The following TMBIM1 variants were observed in gnomAD, a reference collection of about 807,000 sequenced individuals.
The protein encoded by TMBIM1 is protein lifeguard 3.
Under a neutral mutation model 45.1 loss-of-function variants are expected in TMBIM1, and 34 were observed. The ratio of observed to expected loss-of-function variants is 0.75; its 90% CI spans 0.57 to 1.00. The LOEUF (loss-of-function observed/expected upper bound fraction) is 1.00, where lower values mean the gene tolerates loss of function less well. Among genes scored for constraint, TMBIM1 ranks in the 50% least tolerant of loss-of-function variants. The probability of loss-of-function intolerance (pLI) is 0.00; values close to 1 mark genes in which losing one functional copy is unlikely to be tolerated. For missense variants in TMBIM1, 374 were observed against 402.4 expected (o/e 0.93, Z 0.60); for synonymous variants, 157 against 153.5 (o/e 1.02, Z -0.17).
intron 1 of TMBIM1, among the ~76,000 whole-genome samples, chr2:218,292,014 G>A (rs1021639859): frequency 6.6e-6 from 1 of 151,628 alleles, no homozygotes; most frequent in Non-Finnish European, 1.5e-5. Flanking sequence ...GGGCAACCTG[G>A]GGTCCGTGCC....
chr2:218,290,932 G>C (rs888942230), intron 1 of TMBIM1, among the ~76,000 whole-genome samples: 1 of 152,190 alleles, frequency 6.6e-6, no homozygotes, highest in Non-Finnish European at 1.5e-5. Flanking sequence ...AATTGTATGA[G>C]CTTCCACTCT....
At chr2:218,277,518 C>G in intron 8 of TMBIM1, 65 bp from the exon 9 acceptor site, 1 of 1,608,060 alleles carries the variant, frequency 6.2e-7, no homozygotes, top group Non-Finnish European at 8.5e-7. Flanking sequence ...TCAAAATCAC[C>G]ACTTCCAGAG....
intron 1 of TMBIM1, chr2:218,287,297 T>G (rs1692598129): frequency 6.6e-6 from 1 of 152,244 alleles, no homozygotes. Context: ...GGTTTGGAAC[T>G]TCCCTTCCCA....
rs765721452 is a variant in TMBIM1, at chr2:218,281,928, T to G, written c.202+12A>C. 6.3e-7 allele frequency: 1 copy of G among 1,581,182 alleles called. No individual in the cohort carries two copies. The highest frequency in any genetic ancestry group is 1.2e-5 in the South Asian group (1 of 86,032). On this transcript the variant is annotated intron_variant, in intron 2 of 11. Transcript: ENST00000258412. ...CTCCCACCCACCTTCCATCTGCCCTTCCAGGACTCACCGTAGTTCATGGGC... is the reference window on the plus strand; with the variant it reads ...CTCCCACCCACCTTCCATCTGCCCTGCCAGGACTCACCGTAGTTCATGGGC...
intron 1 of TMBIM1, among the ~76,000 whole-genome samples, chr2:218,287,515 G>A (rs1292667186): frequency 6.6e-6 from 1 of 151,846 alleles, no homozygotes; most frequent in Non-Finnish European, 1.5e-5. Context: ...CAAGACCATC[G>A]TGGCCAACAT....
intron 3 of TMBIM1, 157 bp from the exon 4 acceptor site, chr2:218,279,510 G>A (rs1691640012): frequency 3.4e-6 from 2 of 580,174 alleles, no homozygotes; most frequent in East Asian, 3.0e-5. Flanking sequence ...CAGAGGCAAT[G>A]TGCACTTCTT....
chr2:218,278,877 T>G (rs573308957), intron 5 of TMBIM1, among the ~76,000 whole-genome samples, 161 bp downstream of exon 5: 1 of 152,304 alleles, frequency 6.6e-6, no homozygotes, highest in African/African-American at 2.4e-5. Flanking sequence ...CTGCTACTCA[T>G]CTGGGCACGC....
chr2:218,276,124 ACCACAGGC>A (rs751664002), intron 10 of TMBIM1, 45 bp from the exon 11 acceptor site: 13 of 1,598,922 alleles, frequency 8.1e-6, no homozygotes, highest in Non-Finnish European at 1.0e-5. Context: ...ACCTCAGCAA[ACCACAGGC>A]CCACAGGCCC....
chr2:218,289,747 A>AG (rs1201046624), intron 1 of TMBIM1, among the ~76,000 whole-genome samples: 1 of 151,948 alleles, frequency 6.6e-6, no homozygotes, highest in Non-Finnish European at 1.5e-5. Flanking sequence ...AACCTACACC[A>AG]GGGGGTCACT....
intron 9 of TMBIM1, 70 bp from the exon 10 acceptor site, chr2:218,277,169 C>T: frequency 7.3e-7 from 1 of 1,368,684 alleles, no homozygotes; most frequent in African/African-American, 1.4e-5. Flanking sequence ...CTGGCCCTGC[C>T]AGGGAGTCCC....
intron 1 of TMBIM1, among the ~76,000 whole-genome samples, chr2:218,291,158 A>C (rs1692902653): frequency 6.6e-6 from 1 of 152,140 alleles, no homozygotes; most frequent in Non-Finnish European, 1.5e-5. Flanking sequence ...CAACACTTAC[A>C]GGATAACCCA....
chr2:218,280,103 C>G lies in TMBIM1; in HGVS notation c.226G>C (p.Glu76Gln). The change falls in exon 3 of 12, where the codon GAG becomes CAG. Residue 76 changes from glutamate (E) to glutamine (Q), a missense_variant. Coordinates refer to ENST00000258412, the MANE Select transcript of TMBIM1 (RefSeq NM_022152.6). ...AAGCTATCACTCACTGCTCTCTCCT[C>G]CCCATCATAGCCATGGCCTGGGCCT... Reference protein sequence around the residue: ...NYGPGHGYDGEERAVSDSFGP... With the variant: ...NYGPGHGYDGQERAVSDSFGP... 3 of 1,613,962 alleles carry G rather than the reference C, an allele frequency of 1.9e-6. No homozygotes were observed. The highest frequency in any genetic ancestry group is 2.5e-6 in the Non-Finnish European group (3 of 1,179,826).
At chr2:218,282,691 C>CG in intron 1 of TMBIM1, among the ~76,000 whole-genome samples, 1 of 152,116 alleles carries the variant, frequency 6.6e-6, no homozygotes, top group Non-Finnish European at 1.5e-5. Flanking sequence ...AGTGGAGAGC[C>CG]GGGGGAAGAA....
At chr2:218,279,399 C>A (rs1482939235) in intron 3 of TMBIM1, 46 bp from the exon 4 acceptor site, 1 of 1,502,558 alleles carries the variant, frequency 6.7e-7, no homozygotes. Context: ...GCACCCCTGG[C>A]CTGCCCCAGG....
At chr2:218,288,701 C>G (rs1271710651) in intron 1 of TMBIM1, among the ~76,000 whole-genome samples, 1 of 152,148 alleles carries the variant, frequency 6.6e-6, no homozygotes, top group Admixed American at 6.5e-5. Flanking sequence ...AATCCAAAAT[C>G]CATGTGCTTC....
At chr2:218,289,466 A>C (rs984671336) in intron 1 of TMBIM1, among the ~76,000 whole-genome samples, 2 of 151,638 alleles carry the variant, frequency 1.3e-5, no homozygotes, top group Non-Finnish European at 2.9e-5. Flanking sequence ...ACATGGTGAA[A>C]CCTCGTCTCT....
chr2:218,275,884 G>A, intron 11 of TMBIM1, 142 bp downstream of exon 11: 1 of 1,072,060 alleles, frequency 9.3e-7, no homozygotes, highest in Non-Finnish European at 1.3e-6. Context: ...AAAAATCAAT[G>A]GAATCTCTGG....
chr2:218,278,537 G>C lies in TMBIM1; in HGVS notation c.451C>G (p.Leu151Val). The change falls in exon 6 of 12, where the codon CTT (leucine) becomes GTT (valine). Residue 151 changes from leucine to valine, a missense_variant. Leu to Val is a conservative substitution (Grantham distance 32, BLOSUM62 1). Coordinates refer to ENST00000258412, the MANE Select transcript of TMBIM1 (RefSeq NM_022152.6). The stretch of plus-strand genomic sequence containing the variant: ...CACCTGGGTCCCTGGCAGCAGGCAA[G>C]GATCAGGTAGGTGACAACGAAGACA... ...YAVFVVTYLI[L>V]ACCQGPRRRF... The C allele has an allele frequency of 6.2e-7, 1 of 1,614,190 alleles. No individual in the cohort carries two copies. Among genetic ancestry groups the C allele is most frequent in the African/African-American group, 1.3e-5 (1 of 75,056 alleles).
rs1470677278 is a variant in TMBIM1 at position 218,274,879 on chromosome 2, A to T, written c.*596T>A. On this transcript the variant is annotated 3_prime_UTR_variant, in exon 12 of 12. Transcript: ENST00000258412. Reference sequence around the variant, plus strand: ...TCTGTCCCCCATCCCTAACCCAGATAAACAATACATATGTCACTGAAACAA... The same window carrying T: ...TCTGTCCCCCATCCCTAACCCAGATTAACAATACATATGTCACTGAAACAA... The T allele has an allele frequency of 6.5e-6, 1 of 153,200 alleles. No individual in the cohort carries two copies. Among genetic ancestry groups the T allele is most frequent in the Non-Finnish European group, 1.5e-5 (1 of 68,334 alleles). The allele number at this position is 153,200 out of a possible 1,614,324, so 9.5% of individuals were successfully genotyped here. A position where few individuals can be genotyped will look rare whatever the true frequency, so the allele number is the denominator to read the frequency against.
Sources: allele counts gnomAD v4.1 joint callset (sites outside exome capture counted in the v4.1 genomes callset), GRCh38; gene constraint gnomAD v4.1.1; transcripts MANE v1.5; gene names NCBI Gene and HGNC (gene_info 2026-07-23, HGNC 2026-07-21).